STARD13: variants seen among roughly 807,000 people sequenced by gnomAD.
STARD13 encodes stAR-related lipid transfer protein 13.
STARD13 carries 62 observed loss-of-function variants against 106.4 expected under a neutral mutation model. The ratio of observed to expected loss-of-function variants is 0.58; its 90% CI spans 0.48 to 0.72. The LOEUF (loss-of-function observed/expected upper bound fraction) is 0.72, where lower values mean the gene tolerates loss of function less well. STARD13 is among the 30% of genes least tolerant of loss of function. The pLI is 0.00. For synonymous variants in STARD13, 565 were observed against 553.0 expected (o/e 1.02, Z -0.31); for missense variants, 1,387 against 1,424.0 (o/e 0.97, Z 0.42).
the STARD13 span, among the ~76,000 whole-genome samples, chr13:33,618,664 G>C: frequency 6.6e-6 from 1 of 152,020 alleles, no homozygotes; most frequent in Non-Finnish European, 1.5e-5. Flanking sequence ...CATAAAACTG[G>C]AGAGAAAAAA....
At chr13:33,397,509 T>G in the STARD13 span, among the ~76,000 whole-genome samples, 1 of 152,208 alleles carries the variant, frequency 6.6e-6, no homozygotes, top group South Asian at 2.1e-4. Flanking sequence ...TCATATCTTC[T>G]GCCAACATCT....
chr13:33,412,782 G>A, the STARD13 span, among the ~76,000 whole-genome samples: 2 of 152,234 alleles, frequency 1.3e-5, no homozygotes, highest in East Asian at 3.9e-4. Context: ...ATGCATATGT[G>A]TCAAAAAGCA....
At chr13:33,351,092 A>G (rs1272063446), upstream of STARD13, among the ~76,000 whole-genome samples, 1 of 152,192 alleles carries the variant, frequency 6.6e-6, no homozygotes, top group East Asian at 1.9e-4. Context: ...ACATTATGTT[A>G]ATCCTTCCTG....
chr13:33,191,831 C>A (rs904891365), intron 1 of STARD13, among the ~76,000 whole-genome samples: 2 of 152,162 alleles, frequency 1.3e-5, no homozygotes, highest in African/African-American at 4.8e-5. Context: ...GTTTTGTAAT[C>A]CAATTCTAAT....
At chr13:33,405,017 T>A in the STARD13 span, among the ~76,000 whole-genome samples, 1 of 152,156 alleles carries the variant, frequency 6.6e-6, no homozygotes, top group Non-Finnish European at 1.5e-5. Flanking sequence ...TCTCAAGTGA[T>A]CCGCCTGCCA....
chr13:33,362,855 T>C, the STARD13 span, among the ~76,000 whole-genome samples: 2 of 152,246 alleles, frequency 1.3e-5, no homozygotes, highest in Non-Finnish European at 2.9e-5. Flanking sequence ...GGACCTTGTC[T>C]TTCTTTCCCG....
At chr13:33,594,282 C>T in the STARD13 span, among the ~76,000 whole-genome samples, 1 of 152,132 alleles carries the variant, frequency 6.6e-6, no homozygotes, top group Non-Finnish European at 1.5e-5. Context: ...ATATTATAGG[C>T]TTTGGATTCA....
At chr13:33,239,042 C>A (rs540356528) in intron 1 of STARD13, among the ~76,000 whole-genome samples, 6 of 151,964 alleles carry the variant, frequency 3.9e-5, no homozygotes, top group Non-Finnish European at 7.4e-5. Flanking sequence ...CCCCCTCCCC[C>A]CCAGCCACTG....
At chr13:33,442,476 C>T in the STARD13 span, among the ~76,000 whole-genome samples, 1 of 151,984 alleles carries the variant, frequency 6.6e-6, no homozygotes, top group Non-Finnish European at 1.5e-5. Flanking sequence ...AAAGTATGGC[C>T]AAGTATTATC....
intron 1 of STARD13, among the ~76,000 whole-genome samples, chr13:33,259,924 A>T (rs1250027899): frequency 7.0e-6 from 1 of 143,274 alleles, no homozygotes; most frequent in African/African-American, 2.6e-5. Flanking sequence ...CGAACTCAGG[A>T]GGTGGAAGTT....
chr13:33,249,365 C>A (rs1022827547), intron 1 of STARD13, among the ~76,000 whole-genome samples: 1 of 152,170 alleles, frequency 6.6e-6, no homozygotes, highest in African/African-American at 2.4e-5. Flanking sequence ...CTGTTTCTTC[C>A]GTCTGTAATG....
chr13:33,126,052 G>C, intron 7 of STARD13, 29 bp downstream of exon 7: 1 of 1,609,938 alleles, frequency 6.2e-7, no homozygotes. Context: ...GGGGGTGGTG[G>C]GGCAGCAGCG....
chr13:33,592,475 C>T, the STARD13 span, among the ~76,000 whole-genome samples: 81 of 152,210 alleles, frequency 5.3e-4, no homozygotes, highest in African/African-American at 1.9e-3. Flanking sequence ...ATTCTAGGGC[C>T]TCATGCCCTT....
At chr13:33,154,249 C>T (rs995143131) in intron 3 of STARD13, among the ~76,000 whole-genome samples, 12 of 152,168 alleles carry the variant, frequency 7.9e-5, no homozygotes, top group Non-Finnish European at 1.3e-4. Context: ...TGCCACTACG[C>T]AGCCAGGGAA....
At chr13:33,236,768 C>T (rs577102345) in intron 1 of STARD13, among the ~76,000 whole-genome samples, 8 of 152,292 alleles carry the variant, frequency 5.3e-5, no homozygotes, top group South Asian at 2.1e-4. Context: ...GAGGACAGTG[C>T]GTTACAACCA....
chr13:33,361,033 C>T, the STARD13 span, among the ~76,000 whole-genome samples: 2 of 149,402 alleles, frequency 1.3e-5, no homozygotes, highest in Admixed American at 6.7e-5. Context: ...ATCTCGATCT[C>T]CTGACCTGTA....
chr13:33,287,593 G>A (rs1417175073), upstream of STARD13, among the ~76,000 whole-genome samples: 2 of 143,316 alleles, frequency 1.4e-5, no homozygotes. Context: ...GAACTGCTCG[G>A]CAGAAGCTCG....
chr13:33,317,708 A>T (rs912657808), intron 1 of STARD13, among the ~76,000 whole-genome samples: 2 of 152,158 alleles, frequency 1.3e-5, no homozygotes, highest in Admixed American at 1.3e-4. Flanking sequence ...TGTACTTGAT[A>T]CTATGTTATA....
At chr13:33,538,881 T>C in the STARD13 span, among the ~76,000 whole-genome samples, 1 of 151,998 alleles carries the variant, frequency 6.6e-6, no homozygotes, top group African/African-American at 2.4e-5. Flanking sequence ...ACCATTCTCC[T>C]GCCTCAGCCT....
Sources: allele counts gnomAD v4.1 joint callset (sites outside exome capture counted in the v4.1 genomes callset), GRCh38; gene constraint gnomAD v4.1.1; transcripts MANE v1.5; gene names NCBI Gene and HGNC (gene_info 2026-07-23, HGNC 2026-07-21).